SHROOM4: variants seen among roughly 807,000 people sequenced by gnomAD.
SHROOM4 encodes the protein shroom family member 4, also known as protein Shroom4.
A neutral mutation model predicts 80.3 loss-of-function variants in SHROOM4; 17 were observed. That is an observed-to-expected ratio of 0.21 (90% CI 0.14 to 0.32). SHROOM4 has a LOEUF of 0.32. Ranked by LOEUF, SHROOM4 falls within the 10% of genes least tolerant of loss-of-function variation. The pLI, the probability that SHROOM4 is intolerant of heterozygous loss-of-function variation, is 1.00. For synonymous variants in SHROOM4, 400 were observed against 437.5 expected, an observed-to-expected ratio of 0.91 and a Z score of 1.07; for missense variants, 993 against 1,140.3, an observed-to-expected ratio of 0.87 and a Z score of 1.86.
chrX:50,640,729 A>G (rs1183191838), intron 2 of SHROOM4, among the ~76,000 whole-genome samples: 1 of 111,395 alleles, frequency 9.0e-6, no homozygotes, highest in African/African-American at 3.3e-5. Context: ...TCAATCTCTC[A>G]TTTCTCTGCT....
intron 1 of SHROOM4, among the ~76,000 whole-genome samples, chrX:50,737,563 AT>A (rs782062115): frequency 5.8e-4 from 65 of 111,627 alleles, no homozygotes; most frequent in African/African-American, 1.9e-3. Flanking sequence ...CTATACTAAT[AT>A]TAGACAAAAT....
intron 1 of SHROOM4, among the ~76,000 whole-genome samples, chrX:50,812,020 C>T (rs1198218597): frequency 9.1e-6 from 1 of 109,990 alleles, no homozygotes; most frequent in African/African-American, 3.3e-5. Flanking sequence ...GCCATGCTCT[C>T]ACTGGCTCAC....
intron 1 of SHROOM4, among the ~76,000 whole-genome samples, chrX:50,776,331 TTTATTTAGACAA>T (rs1726469692): frequency 8.9e-6 from 1 of 111,933 alleles, no homozygotes; most frequent in Non-Finnish European, 1.9e-5. Context: ...ATTTTAACCT[TTTATTTAGACAA>T]TATCTAATAA....
At chrX:50,746,514 C>CA (rs782004825) in intron 1 of SHROOM4, among the ~76,000 whole-genome samples, 1 of 111,917 alleles carries the variant, frequency 8.9e-6, no homozygotes, top group East Asian at 2.8e-4. Context: ...ACCAGATTCC[C>CA]AAGTATATGT....
intron 1 of SHROOM4, among the ~76,000 whole-genome samples, chrX:50,701,968 T>A (rs1274741762): frequency 1.8e-5 from 2 of 111,642 alleles, no homozygotes; most frequent in Non-Finnish European, 3.8e-5. Context: ...GGGAAAATAT[T>A]CATAATACAT....
At chrX:50,801,943 T>C (rs1292432863) in intron 1 of SHROOM4, among the ~76,000 whole-genome samples, 1 of 112,206 alleles carries the variant, frequency 8.9e-6, no homozygotes, top group Non-Finnish European at 1.9e-5. Flanking sequence ...GGAGTTAATT[T>C]AGACCAGGTT....
At chrX:50,674,621 A>G (rs2147399522) in intron 2 of SHROOM4, among the ~76,000 whole-genome samples, 1 of 111,944 alleles carries the variant, frequency 8.9e-6, no homozygotes, top group South Asian at 3.7e-4. Flanking sequence ...TAAATGTAAA[A>G]CTATAAATAT....
intron 4 of SHROOM4, among the ~76,000 whole-genome samples, chrX:50,628,482 C>T (rs925059055): frequency 4.5e-5 from 5 of 111,626 alleles, no homozygotes; most frequent in Non-Finnish European, 1.9e-5. Context: ...TACTCCACAC[C>T]TAGAGACTCA....
chrX:50,729,603 T>C (rs1451283813), intron 1 of SHROOM4, among the ~76,000 whole-genome samples: 1 of 111,501 alleles, frequency 9.0e-6, no homozygotes, highest in Non-Finnish European at 1.9e-5. Flanking sequence ...AACCTTCTCA[T>C]ATTTGATGGA....
rs1557249069 is a variant in SHROOM4 at position 50,608,022 on chromosome X, AT to A, written c.3119del (p.Tyr1040LeufsTer141). On this transcript the variant is annotated frameshift_variant, in exon 6 of 9. Transcript: ENST00000376020. LOFTEE classifies it high-confidence loss of function. ...TGGAGGCAAGGGAGCTCCCCTCCTC[AT>A]AAACTGAAGTTTCCTCTGATTTTTT... ...ALKKSEETSV[Y>X]EEGSSLASMP... 8.3e-7 allele frequency: 1 copy of A among 1,211,762 alleles called. No homozygotes were observed.
intron 1 of SHROOM4, among the ~76,000 whole-genome samples, chrX:50,759,696 T>C (rs781962180): frequency 1.2e-4 from 13 of 111,912 alleles, no homozygotes; most frequent in Non-Finnish European, 2.4e-4. Flanking sequence ...ATATAGGCAT[T>C]TACAGCTTCA....
intron 1 of SHROOM4, among the ~76,000 whole-genome samples, chrX:50,727,554 A>C (rs1337600012): frequency 9.0e-6 from 1 of 111,505 alleles, no homozygotes; most frequent in Admixed American, 9.5e-5. Context: ...TTCTCATGAT[A>C]GTGAGTGAGT....
intron 2 of SHROOM4, among the ~76,000 whole-genome samples, chrX:50,646,729 A>G (rs1229347019): frequency 9.1e-6 from 1 of 109,337 alleles, no homozygotes; most frequent in Non-Finnish European, 1.9e-5. Flanking sequence ...ACCTCCTCTG[A>G]ATAGCCAGTT....
chrX:50,766,302 C>T (rs1935274465), intron 1 of SHROOM4, among the ~76,000 whole-genome samples: 1 of 110,843 alleles, frequency 9.0e-6, no homozygotes, highest in Non-Finnish European at 1.9e-5. Flanking sequence ...ATTCCTGCCA[C>T]CACTACTTTT....
At chrX:50,811,129 GAAATACAA>G (rs1441926342) in intron 1 of SHROOM4, among the ~76,000 whole-genome samples, 22 of 110,388 alleles carry the variant, frequency 2.0e-4, no homozygotes, top group African/African-American at 6.3e-4. Context: ...GCAACATGGT[GAAATACAA>G]AAATACAAAA....
Position 50,598,362 on chromosome X carries a change from C to T in SHROOM4, c.4116G>A (p.Leu1372=). 1 of 1,211,181 alleles carries T rather than the reference C, an allele frequency of 8.3e-7. No homozygotes were observed. Among genetic ancestry groups the T allele is most frequent in the South Asian group, 1.8e-5 (1 of 56,854 alleles). Residue 1372 remains leucine, a synonymous_variant, in exon 8 of 9, where the codon CTG becomes CTA. Coordinates refer to ENST00000376020, the MANE Select transcript of SHROOM4 (RefSeq NM_020717.5). ...ACAGCAACAGGTTGACCACTTTGTC[C>T]AGGTCCCCAACAAACAAGTGGTACT... The part of the protein sequence containing the change: ...FEKYHLFVGD[L]DKVVNLLLSL...
chrX:50,684,802 G>T (rs781897516), intron 2 of SHROOM4, among the ~76,000 whole-genome samples: 11 of 111,925 alleles, frequency 9.8e-5, no homozygotes, highest in Admixed American at 7.6e-4. Context: ...AAAAAATTGG[G>T]TATGTCCAAG....
chrX:50,717,065 C>T (rs1450957516), intron 1 of SHROOM4, among the ~76,000 whole-genome samples: 1 of 112,474 alleles, frequency 8.9e-6, no homozygotes, highest in Non-Finnish European at 1.9e-5. Context: ...TTCTCCCAGT[C>T]TGGCCTTCTC....
intron 1 of SHROOM4, among the ~76,000 whole-genome samples, chrX:50,793,522 C>T (rs976730386): frequency 3.8e-5 from 4 of 104,608 alleles, no homozygotes; most frequent in African/African-American, 1.4e-4. Context: ...ATCGAAAATA[C>T]AAAAGTAAAG....
Sources: allele counts gnomAD v4.1 joint callset (sites outside exome capture counted in the v4.1 genomes callset), GRCh38; gene constraint gnomAD v4.1.1; transcripts MANE v1.5; gene names NCBI Gene and HGNC (gene_info 2026-07-23, HGNC 2026-07-21).